Variants in CD177 observed in about 807,000 individuals in gnomAD.
CD177 encodes the protein CD177 molecule, also known as CD177 antigen.
CD177 carries 41 observed loss-of-function variants against 38.1 expected under a neutral mutation model. That is an observed-to-expected ratio of 1.07 (90% CI 0.84 to 1.39). CD177 has a LOEUF of 1.39. CD177 is among the 40% of genes most tolerant of loss of function. CD177 has a pLI of 0.00. For missense variants in CD177, 619 were observed against 523.8 expected (o/e 1.18, Z -1.77); for synonymous variants, 236 against 216.7 (o/e 1.09, Z -0.78).
chr19:43,361,489 C>G lies in CD177; in HGVS notation c.991C>G (p.Pro331Ala). 6.3e-7 allele frequency: 1 copy of G among 1,587,228 alleles called. No individual in the cohort carries two copies. Reference sequence around the variant, plus strand: ...CCGGCAGTGTCCTACCTGTGTGCAGCCCCTTGGAACCTGTTCAAGTGGCTC... The same window carrying G: ...CCGGCAGTGTCCTACCTGTGTGCAGGCCCTTGGAACCTGTTCAAGTGGCTC... ...GDRQCPTCVQ[P>A]LGTCSSGSPR... The change falls in exon 8 of 9, where the codon CCC (proline) becomes GCC (alanine). Residue 331 changes from proline (P) to alanine (A), a missense_variant. Coordinates refer to ENST00000618265, the MANE Select transcript of CD177 (RefSeq NM_020406.4).
At position 43,354,366 on chromosome 19, in the gene CD177, C is replaced by G. The variant is rs1168581059; in HGVS notation, c.353C>G (p.Pro118Arg). Residue 118 changes from proline to arginine, a missense_variant, in exon 3 of 9, where the codon CCG (proline) becomes CGG (arginine). Coordinates refer to ENST00000618265, the MANE Select transcript of CD177 (RefSeq NM_020406.4). ...TGCAACAACCTCGTTAACTCCCTCC[C>G]GCTTTGGGCCCCACAGCCCCCAGCA... ...DFCNNLVNSLPLWAPQPPADP... is the reference protein window; with the variant it reads ...DFCNNLVNSLRLWAPQPPADP... The G allele has an allele frequency of 6.2e-7, 1 of 1,613,958 alleles. No homozygotes were observed. Among genetic ancestry groups the G allele is most frequent in the Non-Finnish European group, 8.5e-7 (1 of 1,179,886 alleles).
Position 43,354,378 on chromosome 19 carries a change from C to T in CD177, c.365C>T (p.Pro122Leu), listed in dbSNP as rs928691018. Residue 122 changes from proline to leucine, a missense_variant, in exon 3 of 9, where the codon CCA becomes CTA. Coordinates refer to ENST00000618265, the MANE Select transcript of CD177 (RefSeq NM_020406.4). ...GTTAACTCCCTCCCGCTTTGGGCCC[C>T]ACAGCCCCCAGCAGGTGCCTGCGGG... ...NLVNSLPLWAPQPPADPGSLR... is the reference protein window; with the variant it reads ...NLVNSLPLWALQPPADPGSLR... The T allele has an allele frequency of 6.2e-7, 1 of 1,613,906 alleles. No homozygotes were observed. Among genetic ancestry groups the T allele is most frequent in the African/African-American group, 1.3e-5 (1 of 75,004 alleles).
rs1250631158 is a variant in CD177, at chr19:43,362,233, G to T, written c.1227G>T (p.Gly409=). 6.2e-7 allele frequency: 1 copy of T among 1,611,778 alleles called. No homozygotes were observed. Among genetic ancestry groups the T allele is most frequent in the Admixed American group, 1.7e-5 (1 of 59,988 alleles). Residue 409 remains glycine (G), a synonymous_variant, in exon 9 of 9, where the codon GGG becomes GGT. Coordinates refer to ENST00000618265, the MANE Select transcript of CD177 (RefSeq NM_020406.4). ...CTGCCTCTCAGCATGAGGGAGGTGG[G>T]GCTGAGGGCCTGGAGTCTCTCACTT... ...QPPASQHEGG[G]AEGLESLTWG...
In CD177 at chr19:43,362,449, C is replaced by T. The variant is rs1393449496; in HGVS notation, c.*129C>T. The T allele has an allele frequency of 5.5e-5, 32 of 580,088 alleles. No homozygotes were observed. Among genetic ancestry groups the T allele is most frequent in the African/African-American group, 4.1e-4 (22 of 53,434 alleles). 35.9% of individuals were successfully genotyped at this position (580,088 alleles called of 1,614,324 possible). A position where few individuals can be genotyped will look rare whatever the true frequency, so the allele number is the denominator to read the frequency against. On this transcript the variant is annotated 3_prime_UTR_variant, in exon 9 of 9. Coordinates refer to ENST00000618265, the MANE Select transcript of CD177 (RefSeq NM_020406.4). ...GTCCATGAATCATCTTCCCCACACA[C>T]AATCATTCATATCTACTCACCTAAC...
chr19:43,365,569 C>T (rs919024142), downstream of CD177, among the ~76,000 whole-genome samples: 10 of 136,046 alleles, frequency 7.4e-5, no homozygotes, highest in East Asian at 2.2e-4. Context: ...CCATGTGGCC[C>T]GCTCTGGGTT....
At position 43,355,632 on chromosome 19, in the gene CD177, C is replaced by T. The variant is rs571631295; in HGVS notation, c.380-29C>T. 36 of 1,611,664 alleles carry T rather than the reference C, an allele frequency of 2.2e-5. No homozygotes were observed. In the African/African-American group the frequency reaches 3.7e-4, roughly 17 times the overall value. On this transcript the variant is annotated intron_variant, in intron 3 of 8. Transcript: ENST00000618265. ...GATCAAATCCAGTGCCCTCTCAGTG[C>T]CCCCTCACTCTGTCTGTCACTTTCC...
At chr19:43,364,070 A>G (rs748644947), downstream of CD177, among the ~76,000 whole-genome samples, 1 of 152,196 alleles carries the variant, frequency 6.6e-6, no homozygotes, top group Non-Finnish European at 1.5e-5. Context: ...CGACAGAGCA[A>G]GACCCTGTCT....
Position 43,353,917 on chromosome 19 carries a change from CCGG to C in CD177, c.119_121del (p.Arg40del), listed in dbSNP as rs1302114414. On this transcript the variant is annotated inframe_deletion, in exon 2 of 9. Transcript: ENST00000618265. Reference sequence around the variant, plus strand: ...ATGTGTGGAAGGTGTCCGACCTGCCCCGGCAATGGACCCCTAAGAACACCAGCT... The same window carrying C: ...ATGTGTGGAAGGTGTCCGACCTGCCCCAATGGACCCCTAAGAACACCAGCT... 1 of 1,613,740 alleles carries C rather than the reference CCGG, an allele frequency of 6.2e-7. No homozygotes were observed. The highest frequency in any genetic ancestry group is 8.5e-7 in the Non-Finnish European group (1 of 1,179,856).
chr19:43,354,834 C>G (rs1351792047), intron 3 of CD177, among the ~76,000 whole-genome samples: 1 of 152,080 alleles, frequency 6.6e-6, no homozygotes, highest in African/African-American at 2.4e-5. Context: ...TTTTGCGCTT[C>G]TTTTATTGGA....
chr19:43,354,992 A>C (rs1292982725), intron 3 of CD177, among the ~76,000 whole-genome samples: 2 of 149,998 alleles, frequency 1.3e-5, no homozygotes, highest in Non-Finnish European at 3.0e-5. Flanking sequence ...ACTTTGTTGA[A>C]AGGTTCAGAC....
At position 43,354,383 on chromosome 19, in the gene CD177, C is replaced by G. The variant is rs937447166; in HGVS notation, c.370C>G (p.Pro124Ala). 2 of 1,613,830 alleles carry G rather than the reference C, an allele frequency of 1.2e-6. No homozygotes were observed. Among genetic ancestry groups the G allele is most frequent in the Non-Finnish European group, 1.7e-6 (2 of 1,179,864 alleles). ...VNSLPLWAPQ[P>A]PADPGSLRCP... The stretch of plus-strand genomic sequence containing the variant: ...CTCCCTCCCGCTTTGGGCCCCACAG[C>G]CCCCAGCAGGTGCCTGCGGGAGGGT... Residue 124 changes from proline to alanine, a missense_variant, in exon 3 of 9, where the codon CCC becomes GCC. Coordinates refer to ENST00000618265, the MANE Select transcript of CD177 (RefSeq NM_020406.4).
At position 43,360,267 on chromosome 19, in the gene CD177, T is replaced by G. The variant is rs73559882; in HGVS notation, c.622T>G (p.Phe208Val). The change falls in exon 6 of 9, where the codon TTT (phenylalanine) becomes GTT (valine). Residue 208 changes from phenylalanine (F) to valine (V), a missense_variant and splice_region_variant. Phe to Val is a conservative substitution (Grantham distance 50). Transcript: ENST00000618265. ...GMTENCDMKD[F>V]LTCHRGTTIM... ...CACCCTGGGATTCCTCTCCCCAGAT[T>G]TTCTGACCTGTCATCGGGGGACCAC... 1.1e-3 allele frequency: 1,854 copies of G among 1,612,860 alleles called. 17 individuals carry two copies. In the African/African-American group the frequency reaches 0.018, roughly 16 times the overall value.
chr19:43,355,920 A>G (rs1969922699), intron 4 of CD177, 72 bp from the exon 5 acceptor site: 1 of 1,160,424 alleles, frequency 8.6e-7, no homozygotes, highest in South Asian at 1.4e-5. Flanking sequence ...TCCTGGAGCT[A>G]TGCCTGCCTC....
rs749670215 is a variant in CD177 at position 43,355,576 on chromosome 19, C to T, written c.380-85C>T. The T allele has an allele frequency of 4.5e-5, 71 of 1,561,422 alleles. 1 individual carries two copies. The highest frequency in any genetic ancestry group is 1.7e-4 in the Middle Eastern group (1 of 5,984). Reference sequence around the variant, plus strand: ...AGGCTGAGCAGGTTGACTCTTGAGGCCAGCAAAAGTGGGGTGCAGAGAAGG... The same window carrying T: ...AGGCTGAGCAGGTTGACTCTTGAGGTCAGCAAAAGTGGGGTGCAGAGAAGG... On this transcript the variant is annotated intron_variant, in intron 3 of 8. Coordinates refer to ENST00000618265, the MANE Select transcript of CD177 (RefSeq NM_020406.4).
At chr19:43,365,257 G>T (rs1398415984), downstream of CD177, among the ~76,000 whole-genome samples, 30 of 142,924 alleles carry the variant, frequency 2.1e-4, no homozygotes, top group Admixed American at 1.9e-3. Flanking sequence ...TGCCTACACT[G>T]GGCAGGGCTG....
chr19:43,355,104 CTTTTTTT>C (rs1156547437), intron 3 of CD177, among the ~76,000 whole-genome samples: 454 of 26,828 alleles, frequency 0.017, 11 homozygotes, highest in African/African-American at 0.061. Context: ...CTTTTCTTTT[CTTTTTTT>C]TTTTTTTTTT....
At chr19:43,360,830 C>A (rs1317869894) in intron 6 of CD177, 17 of 523,016 alleles carry the variant, frequency 3.3e-5, no homozygotes, top group Non-Finnish European at 5.1e-5. Flanking sequence ...GAGATCCCAG[C>A]TCTGCAGAGA....
At position 43,354,234 on chromosome 19, in the gene CD177, A is replaced by C; in HGVS notation, c.221A>C (p.Lys74Thr). The C allele has an allele frequency of 6.2e-7, 1 of 1,613,510 alleles. No homozygotes were observed. Among genetic ancestry groups the C allele is most frequent in the Non-Finnish European group, 8.5e-7 (1 of 1,179,742 alleles). ...CCCCAAGTGAGCCTGGTGCTCTCCAAGGGCTGCACGGAGGCCAAGGACCAG... is the reference window on the plus strand; with the variant it reads ...CCCCAAGTGAGCCTGGTGCTCTCCACGGGCTGCACGGAGGCCAAGGACCAG... ...SGPQVSLVLS[K>T]GCTEAKDQEP... Residue 74 changes from lysine (K) to threonine (T), a missense_variant, in exon 3 of 9, where the codon AAG (lysine) becomes ACG (threonine). Coordinates refer to ENST00000618265, the MANE Select transcript of CD177 (RefSeq NM_020406.4).
Position 43,355,120 on chromosome 19 carries a change from TTTTTTTTTTC to T in CD177, c.380-539_380-530del, listed in dbSNP as rs1382042868. ...TTTTCTTTTCTTTTTTTTTTTTTTT[TTTTTTTTTTC>T]TGAGAAAGCGTCTCGCTGTGTCGAC... On this transcript the variant is annotated intron_variant, in intron 3 of 8. Coordinates refer to ENST00000618265, the MANE Select transcript of CD177 (RefSeq NM_020406.4). Among the ~76,000 whole-genome samples the T allele has an allele frequency of 3.0e-4, 35 of 116,186 alleles. 1 individual carries two copies. Among genetic ancestry groups the T allele is most frequent in the African/African-American group, 1.2e-3 (33 of 27,630 alleles). 76.2% of individuals were successfully genotyped at this position (116,186 alleles called of 152,430 possible).
Sources: allele counts gnomAD v4.1 joint callset (sites outside exome capture counted in the v4.1 genomes callset), GRCh38; gene constraint gnomAD v4.1.1; transcripts MANE v1.5; gene names NCBI Gene and HGNC (gene_info 2026-07-23, HGNC 2026-07-21).